Variants in ELFN2 observed in about 807,000 individuals in gnomAD.
ELFN2 encodes the protein protein phosphatase 1 regulatory subunit 29.
Under a neutral mutation model 45.5 loss-of-function variants are expected in ELFN2, and 17 were observed. That is an observed-to-expected ratio of 0.37 (90% CI 0.26 to 0.56). The LOEUF is 0.56. Among genes scored for constraint, ELFN2 ranks in the 20% least tolerant of loss-of-function variants. The pLI is 0.77. For missense variants in ELFN2, 922 were observed against 1,183.2 expected (o/e 0.78, Z 3.24); for synonymous variants, 550 against 551.5 (o/e 1.00, Z 0.04).
At chr22:37,379,063 G>T (rs1413842159) in intron 2 of ELFN2, among the ~76,000 whole-genome samples, 1 of 152,224 alleles carries the variant, frequency 6.6e-6, no homozygotes, top group Non-Finnish European at 1.5e-5. Flanking sequence ...GAAGAAGGGG[G>T]TGCTGCAGGG....
intron 1 of ELFN2, among the ~76,000 whole-genome samples, chr22:37,426,162 C>G (rs555824432): frequency 6.6e-6 from 1 of 152,074 alleles, no homozygotes; most frequent in South Asian, 2.1e-4. Flanking sequence ...TGGGAGGAGT[C>G]CAGGGGGAAG....
At chr22:37,382,498 C>T (rs1931814655) in intron 2 of ELFN2, among the ~76,000 whole-genome samples, 1 of 151,306 alleles carries the variant, frequency 6.6e-6, no homozygotes, top group Non-Finnish European at 1.5e-5. Flanking sequence ...CCGCCTCGGC[C>T]TCCCAAAGTA....
Position 37,341,754 on chromosome 22 carries a change from C to G in ELFN2, n.252-785G>C, listed in dbSNP as rs570781569. Among the ~76,000 whole-genome samples, 17 of 152,348 alleles carry G rather than the reference C, an allele frequency of 1.1e-4. No homozygotes were observed. The East Asian group carries it at 3.3e-3, about 29-fold the overall frequency. On this transcript the variant is annotated intron_variant and non_coding_transcript_variant, in intron 2 of 2. Coordinates refer to ENST00000452946, the Ensembl canonical transcript of ELFN2. ...AGCACTGGTTCAGAAGCCAGAAATA[C>G]TGGTTTCGTTGGTGAACTCAAACCC...
At chr22:37,414,718 C>T (rs1932735686) in intron 2 of ELFN2, among the ~76,000 whole-genome samples, 1 of 152,196 alleles carries the variant, frequency 6.6e-6, no homozygotes, top group Admixed American at 6.5e-5. Flanking sequence ...GAACCTAAGT[C>T]TAGTGGTCTC....
intron 2 of ELFN2, among the ~76,000 whole-genome samples, chr22:37,376,480 C>T (rs1043833073): frequency 2.0e-5 from 3 of 152,326 alleles, no homozygotes; most frequent in South Asian, 2.1e-4. Context: ...CGTACCCAAG[C>T]GGGCACCCCT....
At chr22:37,403,467 G>A (rs73884041) in intron 2 of ELFN2, among the ~76,000 whole-genome samples, 268 of 152,248 alleles carry the variant, frequency 1.8e-3, no homozygotes, top group African/African-American at 4.6e-3. Context: ...TCTGGGTCCC[G>A]GTTGCCTGGG....
intron 1 of ELFN2, chr22:37,352,239 G>A (rs1202729591): frequency 1.3e-5 from 2 of 150,928 alleles, no homozygotes; most frequent in African/African-American, 4.8e-5. Flanking sequence ...CAGGTACTAA[G>A]GTAACCCCAA....
At chr22:37,356,598 C>A (rs1930955540) in intron 1 of ELFN2, among the ~76,000 whole-genome samples, 1 of 152,180 alleles carries the variant, frequency 6.6e-6, no homozygotes, top group Admixed American at 6.5e-5. Flanking sequence ...ACCTGCGCAC[C>A]CACCTCAGGT....
At position 37,372,313 on chromosome 22, in the gene ELFN2, C is replaced by T. The variant is rs933248021; in HGVS notation, c.*759G>A. The T allele has an allele frequency of 2.0e-5, 3 of 152,466 alleles. No individual in the cohort carries two copies. Among genetic ancestry groups the T allele is most frequent in the Non-Finnish European group, 4.4e-5 (3 of 68,074 alleles). 9.4% of individuals were successfully genotyped at this position (152,466 alleles called of 1,614,324 possible). On this transcript the variant is annotated 3_prime_UTR_variant, in exon 3 of 3. Coordinates refer to ENST00000402918, the MANE Select transcript of ELFN2 (RefSeq NM_052906.5). This position sits in a 1 kb window ranked among gnomAD's most constrained non-coding sequence, Gnocchi z 4.4. ...CAGGATTCTGAATCACAGCTGCACA[C>T]TCTGGGGGCACTGCCATGTGGCTTT...
intron 1 of ELFN2, among the ~76,000 whole-genome samples, chr22:37,348,293 C>T (rs1403474962): frequency 1.3e-5 from 2 of 152,218 alleles, no homozygotes; most frequent in Non-Finnish European, 1.5e-5. Context: ...AGGTGAGGGG[C>T]ACTGTGCAGA....
In ELFN2 at chr22:37,373,309, G is replaced by A. The variant is rs754045388; in HGVS notation, c.2226C>T (p.Thr742=). 1 of 1,613,770 alleles carries A rather than the reference G, an allele frequency of 6.2e-7. No homozygotes were observed. The highest frequency in any genetic ancestry group is 1.6e-4 in the Middle Eastern group (1 of 6,062). ...AGTGTCTGGGGGAGAGCTGCGAGTA[G>A]GTGGAGTCACGCTTGGAGCGGGTCA... ...KPLTRSKRDS[T]YSQLSPRHYY... Residue 742 remains threonine (T), a synonymous_variant, in exon 3 of 3, where the codon ACC becomes ACT. Transcript: ENST00000402918.
Position 37,372,616 on chromosome 22 carries a change from T to C in ELFN2, c.*456A>G. 6.4e-6 allele frequency: 1 copy of C among 155,362 alleles called. No individual in the cohort carries two copies. Among genetic ancestry groups the C allele is most frequent in the African/African-American group, 2.4e-5 (1 of 41,604 alleles). 9.6% of individuals were successfully genotyped at this position (155,362 alleles called of 1,614,324 possible). A position where few individuals can be genotyped will look rare whatever the true frequency, so the allele number is the denominator to read the frequency against. On this transcript the variant is annotated 3_prime_UTR_variant, in exon 3 of 3. Transcript: ENST00000402918. This position sits in a 1 kb window ranked among gnomAD's most constrained non-coding sequence, Gnocchi z 4.4. Reference sequence around the variant, plus strand: ...GTCTAATGCTAAATCTGCAGGTGACTTGACTCCCAGCTTGGGAAGGGACCC... The same window carrying C: ...GTCTAATGCTAAATCTGCAGGTGACCTGACTCCCAGCTTGGGAAGGGACCC...
chr22:37,374,127 T>C lies in ELFN2; in HGVS notation c.1408A>G (p.Met470Val). ...GEPPVLPVSR[M>V]ASIPSMIGEK... Reference sequence around the variant, plus strand: ...CCGATCATGGAGGGGATGGAGGCCATGCGAGATACGGGCAGCACGGGAGGC... The same window carrying C: ...CCGATCATGGAGGGGATGGAGGCCACGCGAGATACGGGCAGCACGGGAGGC... Residue 470 changes from methionine to valine, a missense_variant, in exon 3 of 3, where the codon ATG becomes GTG. Met to Val is a conservative substitution (Grantham distance 21). Coordinates refer to ENST00000402918, the MANE Select transcript of ELFN2 (RefSeq NM_052906.5). 1.9e-6 allele frequency: 3 copies of C among 1,612,992 alleles called. No individual in the cohort carries two copies. Among genetic ancestry groups the C allele is most frequent in the Non-Finnish European group, 2.5e-6 (3 of 1,179,996 alleles).
At chr22:37,377,825 T>C (rs1297108062) in intron 2 of ELFN2, among the ~76,000 whole-genome samples, 1 of 152,198 alleles carries the variant, frequency 6.6e-6, no homozygotes, top group African/African-American at 2.4e-5. Context: ...TTGGCTGTGC[T>C]ATGCAAAGGT....
intron 2 of ELFN2, among the ~76,000 whole-genome samples, chr22:37,408,632 G>A (rs1018986159): frequency 3.3e-5 from 5 of 152,174 alleles, no homozygotes; most frequent in Admixed American, 1.3e-4. Context: ...CAGGGCACCC[G>A]CCTGAACCAG....
chr22:37,383,109 C>T (rs1031644818), intron 2 of ELFN2, among the ~76,000 whole-genome samples: 2 of 152,182 alleles, frequency 1.3e-5, no homozygotes, highest in Non-Finnish European at 1.5e-5. Flanking sequence ...GGTACAGCTG[C>T]CCGGGTCATG....
chr22:37,363,572 G>A (rs1382042024), downstream of ELFN2, among the ~76,000 whole-genome samples: 2 of 152,158 alleles, frequency 1.3e-5, no homozygotes, highest in Non-Finnish European at 2.9e-5. Flanking sequence ...GTGGGGACTG[G>A]GTAAGAATGG....
chr22:37,398,707 T>A (rs1932283049), intron 2 of ELFN2, among the ~76,000 whole-genome samples: 1 of 151,942 alleles, frequency 6.6e-6, no homozygotes. Context: ...TCCAATACCA[T>A]CAAGACAAAC....
At chr22:37,406,217 A>G (rs1379498881) in intron 2 of ELFN2, among the ~76,000 whole-genome samples, 1 of 152,220 alleles carries the variant, frequency 6.6e-6, no homozygotes, top group East Asian at 1.9e-4. Context: ...CGAGGGCTGA[A>G]CGAGGTGATA....
Sources: allele counts gnomAD v4.1 joint callset (sites outside exome capture counted in the v4.1 genomes callset), GRCh38; gene constraint gnomAD v4.1.1; non-coding constraint Gnocchi (gnomAD v3.1); transcripts MANE v1.5; gene names NCBI Gene and HGNC (gene_info 2026-07-23, HGNC 2026-07-21).